Variants in MID2 observed in about 807,000 individuals in gnomAD.
MID2 encodes probable E3 ubiquitin-protein ligase MID2.
MID2 carries 13 observed loss-of-function variants against 46.1 expected under a neutral mutation model. The observed-to-expected ratio is 0.28, with a 90% CI of 0.18 to 0.45. The LOEUF is 0.45. Among genes scored for constraint, MID2 ranks in the 20% least tolerant of loss-of-function variants. MID2 has a pLI of 1.00. For synonymous variants in MID2, 199 were observed against 212.3 expected, an observed-to-expected ratio of 0.94 and a Z score of 0.55; for missense variants, 431 against 575.4, an observed-to-expected ratio of 0.75 and a Z score of 2.57.
At chrX:107,832,667 G>A (rs1931116540) in intron 1 of MID2, among the ~76,000 whole-genome samples, 1 of 111,430 alleles carries the variant, frequency 9.0e-6, no homozygotes, top group East Asian at 2.8e-4. Context: ...GCTGTATTAT[G>A]AGGGTCAAAT....
chrX:107,880,483 A>T (rs1384343776), intron 3 of MID2, among the ~76,000 whole-genome samples: 1 of 111,072 alleles, frequency 9.0e-6, no homozygotes, highest in Non-Finnish European at 1.9e-5. Context: ...GCCATTGGGA[A>T]GTGGTTCTCT....
intron 9 of MID2, 56 bp downstream of exon 9, chrX:107,926,357 A>C (rs1933177491): frequency 3.0e-6 from 3 of 988,567 alleles, no homozygotes; most frequent in Non-Finnish European, 2.8e-6. Flanking sequence ...GGTTCCTAGG[A>C]GATTCAATTC....
chrX:107,866,003 C>T (rs1169381297), intron 3 of MID2, among the ~76,000 whole-genome samples: 1 of 112,372 alleles, frequency 8.9e-6, no homozygotes. Flanking sequence ...GGGTGAGTGA[C>T]CTAGGCAGGG....
chrX:107,923,124 A>G (rs1933103329), intron 7 of MID2, among the ~76,000 whole-genome samples: 1 of 112,048 alleles, frequency 8.9e-6, no homozygotes, highest in Non-Finnish European at 1.9e-5. Flanking sequence ...CAGATTAATT[A>G]TAAGCCCTTT....
rs756139554 is a variant in MID2 at position 107,924,471 on chromosome X, C to T, written c.1564C>T (p.Arg522Trp). The change falls in exon 8 of 10, where the codon CGG becomes TGG. Residue 522 changes from arginine (R) to tryptophan (W), a missense_variant. Coordinates refer to ENST00000262843, the MANE Select transcript of MID2 (RefSeq NM_012216.4). The part of the protein sequence containing the change: ...IVKAINQAGS[R>W]NSEPTRLKTN... Reference sequence around the variant, plus strand: ...TAAAGCCATAAACCAAGCCGGCAGCCGGAACAGTGAACCTACCCGACTAAA... The same window carrying T: ...TAAAGCCATAAACCAAGCCGGCAGCTGGAACAGTGAACCTACCCGACTAAA... 5.0e-6 allele frequency: 6 copies of T among 1,211,549 alleles called. No homozygotes were observed. Among genetic ancestry groups the T allele is most frequent in the African/African-American group, 1.7e-5 (1 of 57,823 alleles).
chrX:107,859,759 A>G (rs1170203207), intron 3 of MID2, among the ~76,000 whole-genome samples: 2 of 112,508 alleles, frequency 1.8e-5, no homozygotes, highest in East Asian at 5.6e-4. Context: ...TGCCAATAAA[A>G]ATGAGATAAG....
chrX:107,826,136 G>A lies in MID2; in HGVS notation c.-291G>A. 1 of 297,334 alleles carries A rather than the reference G, an allele frequency of 3.4e-6. No individual in the cohort carries two copies. The highest frequency in any genetic ancestry group is 5.9e-6 in the Non-Finnish European group (1 of 170,238). 24.5% of individuals were successfully genotyped at this position (297,334 alleles called of 1,213,427 possible). A position where few individuals can be genotyped will look rare whatever the true frequency, so the allele number is the denominator to read the frequency against. On this transcript the variant is annotated 5_prime_UTR_variant, in exon 1 of 10. An upstream open reading frame in the 5' UTR loses its in-frame stop. Coordinates refer to ENST00000262843, the MANE Select transcript of MID2 (RefSeq NM_012216.4). ...GGTGTCATGGTGCTGCCCCTGGACTGAGGGGCGAAAACTCTTAAGTTTAGC... is the reference window on the plus strand; with the variant it reads ...GGTGTCATGGTGCTGCCCCTGGACTAAGGGGCGAAAACTCTTAAGTTTAGC...
chrX:107,850,490 T>C (rs1931588889), intron 2 of MID2, among the ~76,000 whole-genome samples: 1 of 112,285 alleles, frequency 8.9e-6, no homozygotes, highest in African/African-American at 3.2e-5. Context: ...GTTCGGTGTT[T>C]TCCTCAAATT....
chrX:107,922,051 A>T (rs763417867), intron 7 of MID2, among the ~76,000 whole-genome samples: 8 of 112,041 alleles, frequency 7.1e-5, no homozygotes, highest in Non-Finnish European at 1.5e-4. Flanking sequence ...ACATGCATAC[A>T]TACTTTATAT....
At chrX:107,915,723 A>G (rs1460220160) in intron 5 of MID2, among the ~76,000 whole-genome samples, 5 of 111,710 alleles carry the variant, frequency 4.5e-5, no homozygotes, top group African/African-American at 1.6e-4. Flanking sequence ...AATGATGCAG[A>G]GGGGAAAAAA....
intron 5 of MID2, among the ~76,000 whole-genome samples, chrX:107,911,366 C>G (rs900880155): frequency 3.6e-5 from 4 of 111,564 alleles, no homozygotes; most frequent in Admixed American, 2.9e-4. Context: ...TTTCCATTTT[C>G]CATGACTTTG....
chrX:107,915,659 C>T (rs1932958258), intron 5 of MID2, among the ~76,000 whole-genome samples: 1 of 111,546 alleles, frequency 9.0e-6, no homozygotes, highest in African/African-American at 3.3e-5. Flanking sequence ...CTCTCTTAAA[C>T]TGTTTTTACC....
chrX:107,911,175 C>T (rs781741556), intron 5 of MID2, among the ~76,000 whole-genome samples: 5 of 110,158 alleles, frequency 4.5e-5, no homozygotes, highest in Non-Finnish European at 9.5e-5. Context: ...TTTTGTCATT[C>T]ATTTTTCCTG....
rs199771473 is a variant in MID2, at chrX:107,917,724, G to T, written c.1420G>T (p.Ala474Ser). The T allele has an allele frequency of 4.1e-6, 5 of 1,211,374 alleles. No homozygotes were observed. The highest frequency in any genetic ancestry group is 5.6e-6 in the Non-Finnish European group (5 of 894,896). Reference protein sequence around the residue: ...CKEAVSCSRLAGAPRGLYNSV... With the variant: ...CKEAVSCSRLSGAPRGLYNSV... ...GGAAGCAGTAAGCTGCTCAAGATTGGCCGGGGCGCCACGAGGCAAGTGTTT... is the reference window on the plus strand; with the variant it reads ...GGAAGCAGTAAGCTGCTCAAGATTGTCCGGGGCGCCACGAGGCAAGTGTTT... Residue 474 changes from alanine (A) to serine (S), a missense_variant, in exon 7 of 10, where the codon GCC becomes TCC. By Grantham distance (99) the Ala-to-Ser change is moderately conservative. Transcript: ENST00000262843.
At chrX:107,837,837 G>T (rs1030087197) in intron 1 of MID2, among the ~76,000 whole-genome samples, 9 of 112,086 alleles carry the variant, frequency 8.0e-5, no homozygotes, top group Non-Finnish European at 1.3e-4. Context: ...GTGAAATAAT[G>T]TGTAAAGTGC....
chrX:107,877,204 C>T (rs1007970407), intron 3 of MID2, among the ~76,000 whole-genome samples: 6 of 112,168 alleles, frequency 5.3e-5, no homozygotes, highest in Non-Finnish European at 7.5e-5. Flanking sequence ...ACCATCTGTC[C>T]TCATGTTTAC....
intron 5 of MID2, among the ~76,000 whole-genome samples, chrX:107,913,221 T>C (rs958588725): frequency 6.2e-5 from 7 of 112,001 alleles, no homozygotes; most frequent in African/African-American, 9.7e-5. Flanking sequence ...TTTGAAACAA[T>C]GTATCACAAA....
At chrX:107,917,770 T>G (rs1447688696) in intron 7 of MID2, 31 bp downstream of exon 7, 7 of 1,164,432 alleles carry the variant, frequency 6.0e-6, no homozygotes, top group Non-Finnish European at 8.2e-6. Flanking sequence ...TTAGGTTGTT[T>G]AGTATAGTGT....
intron 3 of MID2, among the ~76,000 whole-genome samples, chrX:107,900,105 A>G (rs1433481486): frequency 1.8e-5 from 2 of 111,154 alleles, no homozygotes; most frequent in Admixed American, 1.9e-4. Flanking sequence ...CTTTACCTTT[A>G]GTTTGGAATT....
Sources: allele counts gnomAD v4.1 joint callset (sites outside exome capture counted in the v4.1 genomes callset), GRCh38; gene constraint gnomAD v4.1.1; transcripts MANE v1.5; gene names NCBI Gene and HGNC (gene_info 2026-07-23, HGNC 2026-07-21).